CCDC187: variants seen among roughly 807,000 people sequenced by gnomAD.
CCDC187 encodes coiled-coil domain containing 187, also known as coiled-coil domain-containing protein 187.
CCDC187 carries 32 observed loss-of-function variants against 38.0 expected under a neutral mutation model. The observed-to-expected ratio is 0.84, with a 90% confidence interval of 0.64 to 1.13. The LOEUF is 1.13. Among genes scored for constraint, CCDC187 ranks in the 50% most tolerant of loss-of-function variants. CCDC187 has a pLI of 0.00. For synonymous variants in CCDC187, 333 were observed against 347.9 expected, an observed-to-expected ratio of 0.96 and a Z score of 0.48; for missense variants, 707 against 786.8, an observed-to-expected ratio of 0.90 and a Z score of 1.21.
chr9:136,257,175 C>G lies in CCDC187; in HGVS notation c.4367-334G>C, dbSNP rs929716833. On this transcript the variant is annotated intron_variant, in intron 22 of 25. Coordinates refer to ENST00000638797, the MANE Select transcript of CCDC187 (RefSeq NM_001378188.1). This position sits in a 1 kb window ranked among gnomAD's most constrained non-coding sequence, Gnocchi z 4.5. ...GGATCACAAGGTCAGGAGTTCGAGACCAGCCTGGCCAATGTAGTGAAACCC... is the reference window on the plus strand; with the variant it reads ...GGATCACAAGGTCAGGAGTTCGAGAGCAGCCTGGCCAATGTAGTGAAACCC... Among the ~76,000 whole-genome samples, 21 of 152,120 alleles carry G rather than the reference C, an allele frequency of 1.4e-4. No individual in the cohort carries two copies. The highest frequency in any genetic ancestry group is 4.8e-4 in the African/African-American group (20 of 41,422).
At chr9:136,293,385 A>G (rs1452752988) in intron 4 of CCDC187, among the ~76,000 whole-genome samples, 1 of 124,168 alleles carries the variant, frequency 8.1e-6, no homozygotes, top group African/African-American at 2.8e-5. Flanking sequence ...ACTCACACTC[A>G]CATGCTCACA....
intron 3 of CCDC187, among the ~76,000 whole-genome samples, chr9:136,299,498 G>C (rs894312546): frequency 1.2e-4 from 18 of 152,148 alleles, no homozygotes; most frequent in African/African-American, 4.1e-4. Flanking sequence ...GAATCTTGCC[G>C]GCGTCTGCCT....
At position 136,262,406 on chromosome 9, in the gene CCDC187, C is replaced by A; in HGVS notation, c.3969G>T (p.Gln1323His). 1.0e-6 allele frequency: 1 copy of A among 986,318 alleles called. No individual in the cohort carries two copies. The highest frequency in any genetic ancestry group is 1.2e-6 in the Non-Finnish European group (1 of 830,586). The allele number at this position is 986,318 out of a possible 1,614,324, so 61.1% of individuals were successfully genotyped here. Residue 1323 changes from glutamine (Q) to histidine (H), a missense_variant, in exon 19 of 26, where the codon CAG becomes CAT. Coordinates refer to ENST00000638797, the MANE Select transcript of CCDC187 (RefSeq NM_001378188.1). Reference protein sequence around the residue: ...AWEGGSETSQQPEASLCPLTP... With the variant: ...AWEGGSETSQHPEASLCPLTP... Reference sequence around the variant, plus strand: ...TCAGGGGACACAGGGAGGCCTCTGGCTGCTGGCTTGTCTCTGAGCCTCCCT... The same window carrying A: ...TCAGGGGACACAGGGAGGCCTCTGGATGCTGGCTTGTCTCTGAGCCTCCCT...
intron 19 of CCDC187, among the ~76,000 whole-genome samples, chr9:136,260,872 T>C (rs1255785780): frequency 6.6e-6 from 1 of 152,164 alleles, no homozygotes; most frequent in Admixed American, 6.5e-5. Context: ...GCACTCTCAC[T>C]GGGGCAGCAA....
chr9:136,289,380 G>A (rs1429967321), intron 7 of CCDC187, among the ~76,000 whole-genome samples: 4 of 151,974 alleles, frequency 2.6e-5, no homozygotes, highest in East Asian at 1.9e-4. Flanking sequence ...TTAGCCGGGC[G>A]TTGTGGCAGG....
chr9:136,291,999 A>C (rs1831343363), intron 5 of CCDC187, among the ~76,000 whole-genome samples, 162 bp downstream of exon 5: 1 of 152,186 alleles, frequency 6.6e-6, no homozygotes, highest in Admixed American at 6.5e-5. Flanking sequence ...CAAAGTCCCC[A>C]GTTGAATGGG....
upstream of CCDC187, among the ~76,000 whole-genome samples, chr9:136,305,435 A>G (rs1831785109): frequency 6.6e-6 from 1 of 152,126 alleles, no homozygotes; most frequent in Non-Finnish European, 1.5e-5. Context: ...CGCCCTGCCC[A>G]GGGACCCCTC....
chr9:136,291,714 G>A (rs929533532), intron 5 of CCDC187, 69 bp from the exon 6 acceptor site: 12 of 398,466 alleles, frequency 3.0e-5, no homozygotes, highest in South Asian at 1.3e-4. Flanking sequence ...TCCTCCATCC[G>A]GGCTGGAGGC....
At chr9:136,262,100 G>A (rs995145420) in intron 19 of CCDC187, among the ~76,000 whole-genome samples, 5 of 152,246 alleles carry the variant, frequency 3.3e-5, no homozygotes, top group Non-Finnish European at 7.3e-5. Context: ...CAAAGCCAAC[G>A]GCCATACGGC....
intron 19 of CCDC187, among the ~76,000 whole-genome samples, chr9:136,261,939 G>A (rs974948340): frequency 1.6e-4 from 24 of 152,244 alleles, no homozygotes; most frequent in African/African-American, 5.5e-4. Flanking sequence ...CTCTTGATGG[G>A]AAAAACAGCT....
Position 136,251,946 on chromosome 9 carries a change from CAGTCCACCCCGGGAAGGTCCA to C in CCDC187, c.*1627_*1647del. ...CCCTGGGAAGAGCCGGCCGCCCACC[CAGTCCACCCCGGGAAGGTCCA>C]GGCGACCGTCCCGCGGAGCCGGCCG... On this transcript the variant is annotated 3_prime_UTR_variant, in exon 26 of 26. Transcript: ENST00000638797. 6.8e-5 allele frequency: 8 copies of C among 117,892 alleles called. No individual in the cohort carries two copies. The highest frequency in any genetic ancestry group is 1.4e-4 in the Non-Finnish European group (7 of 50,812). 7.3% of individuals were successfully genotyped at this position (117,892 alleles called of 1,614,324 possible).
At chr9:136,292,688 C>G (rs899593180) in intron 4 of CCDC187, among the ~76,000 whole-genome samples, 1 of 152,226 alleles carries the variant, frequency 6.6e-6, no homozygotes, top group Non-Finnish European at 1.5e-5. Context: ...GTGACAACCG[C>G]GAGCCAGCAG....
In CCDC187 at chr9:136,281,611, C is replaced by T. The variant is rs886322516; in HGVS notation, c.2980G>A (p.Glu994Lys). The T allele has an allele frequency of 5.0e-6, 2 of 398,578 alleles. No individual in the cohort carries two copies. The highest frequency in any genetic ancestry group is 8.8e-5 in the Admixed American group (2 of 22,720). 24.7% of individuals were successfully genotyped at this position (398,578 alleles called of 1,614,324 possible). Residue 994 changes from glutamate to lysine, a missense_variant, in exon 10 of 26, where the codon GAG becomes AAG. Physicochemically the swap from Glu to Lys is moderately conservative, Grantham distance 56. Coordinates refer to ENST00000638797, the MANE Select transcript of CCDC187 (RefSeq NM_001378188.1). ...LHPIWGSLGL[E>K]ETPSVGGADS... ...GCCCCTCCGACCGACGGCGTCTCCT[C>T]CAGTCCCAGGGAGCCCCAGATAGGG...
chr9:136,293,215 TCACACA>T (rs1194053182), intron 4 of CCDC187, among the ~76,000 whole-genome samples: 14 of 121,478 alleles, frequency 1.2e-4, no homozygotes, highest in South Asian at 5.9e-4. Context: ...AAACACATGC[TCACACA>T]CTCACACTCA....
Position 136,286,087 on chromosome 9 carries a change from C to A in CCDC187, c.2831G>T (p.Arg944Leu). 1 of 398,494 alleles carries A rather than the reference C, an allele frequency of 2.5e-6. No homozygotes were observed. Among genetic ancestry groups the A allele is most frequent in the South Asian group, 1.3e-4 (1 of 7,806 alleles). The allele number at this position is 398,494 out of a possible 1,614,324, so 24.7% of individuals were successfully genotyped here. A position where few individuals can be genotyped will look rare whatever the true frequency, so the allele number is the denominator to read the frequency against. ...SPRAHCESKP[R>L]GFPEEGHVDV... ...CCGTGTCCCGGGTGCCGGCCTACCTCGGGGCTTGCTCTCGCAGTGGGCCCT... is the reference window on the plus strand; with the variant it reads ...CCGTGTCCCGGGTGCCGGCCTACCTAGGGGCTTGCTCTCGCAGTGGGCCCT... Residue 944 changes from arginine (R) to leucine (L), a missense_variant and splice_region_variant, in exon 8 of 26, where the codon CGA becomes CTA. Physicochemically the swap from Arg to Leu is moderately radical, Grantham distance 102 (BLOSUM62 -2). Coordinates refer to ENST00000638797, the MANE Select transcript of CCDC187 (RefSeq NM_001378188.1).
At chr9:136,290,236 G>A (rs984464348) in intron 6 of CCDC187, among the ~76,000 whole-genome samples, 183 bp from the exon 7 acceptor site, 106 of 152,228 alleles carry the variant, frequency 7.0e-4, no homozygotes, top group Admixed American at 2.5e-3. Context: ...CCGGAGCCCC[G>A]TTGCACCCAG....
At chr9:136,306,491 C>T (rs981980300), upstream of CCDC187, among the ~76,000 whole-genome samples, 38 of 152,172 alleles carry the variant, frequency 2.5e-4, no homozygotes, top group Non-Finnish European at 4.1e-4. Flanking sequence ...GCTGGAAGAG[C>T]GTTCCAGGGC....
chr9:136,293,470 T>C lies in CCDC187; in HGVS notation c.833-1175A>G, dbSNP rs1449309397. ...ACACATGCTCACACTCACACTCACA[T>C]GCTCACACACTCACAAACACATGCT... On this transcript the variant is annotated intron_variant, in intron 4 of 25. Transcript: ENST00000638797. 3.8e-4 allele frequency among the ~76,000 whole-genome samples: 42 copies of C among 110,766 alleles called. 1 individual carries two copies. Among genetic ancestry groups the C allele is most frequent in the Non-Finnish European group, 4.1e-4 (22 of 53,840 alleles). 72.7% of individuals were successfully genotyped at this position (110,766 alleles called of 152,430 possible). A position where few individuals can be genotyped will look rare whatever the true frequency, so the allele number is the denominator to read the frequency against.
At chr9:136,297,250 G>A (rs886878713) in intron 4 of CCDC187, among the ~76,000 whole-genome samples, 2 of 151,500 alleles carry the variant, frequency 1.3e-5, no homozygotes, top group South Asian at 4.2e-4. Context: ...GGTGCCATGG[G>A]GTGTAGGTGC....
Sources: gnomAD v4.1 joint callset for allele counts (sites outside exome capture counted in the v4.1 genomes callset) on GRCh38, gnomAD v4.1.1 for gene constraint, Gnocchi (gnomAD v3.1) non-coding constraint, MANE v1.5 for transcripts, NCBI Gene and HGNC (gene_info 2026-07-23, HGNC 2026-07-21) for gene names.